Variants in STXBP6 observed in about 807,000 individuals in gnomAD.
The protein encoded by STXBP6 is syntaxin-binding protein 6.
Under a neutral mutation model 26.9 loss-of-function variants are expected in STXBP6, and 21 were observed. That is an observed-to-expected ratio of 0.78 (90% CI 0.55 to 1.12). The LOEUF (loss-of-function observed/expected upper bound fraction) is 1.12. Among genes scored for constraint, STXBP6 ranks in the 50% most tolerant of loss-of-function variants. The pLI is 0.00. For missense variants in STXBP6, 232 were observed against 257.9 expected (o/e 0.90, Z 0.69); for synonymous variants, 97 against 92.6 (o/e 1.05, Z -0.27).
intron 2 of STXBP6, among the ~76,000 whole-genome samples, chr14:24,884,118 A>T (rs200331809): frequency 6.6e-6 from 1 of 152,164 alleles, no homozygotes; most frequent in East Asian, 1.9e-4. Flanking sequence ...TATTCAGAAG[A>T]CAAAGAAAAA....
chr14:24,821,415 T>A (rs1187031015), intron 4 of STXBP6, among the ~76,000 whole-genome samples: 2 of 152,202 alleles, frequency 1.3e-5, no homozygotes, highest in African/African-American at 4.8e-5. Context: ...GCACGTGATG[T>A]CAGGTAACAT....
intron 1 of STXBP6, among the ~76,000 whole-genome samples, chr14:25,017,973 T>C (rs2075186403): frequency 6.6e-6 from 1 of 152,176 alleles, no homozygotes; most frequent in Non-Finnish European, 1.5e-5. Flanking sequence ...CAAATGCTCT[T>C]GGTCGTGGAT....
chr14:24,998,428 T>C (rs2074664331), intron 1 of STXBP6, among the ~76,000 whole-genome samples: 1 of 152,182 alleles, frequency 6.6e-6, no homozygotes, highest in South Asian at 2.1e-4. Flanking sequence ...AGCTAAAGAT[T>C]ACAGAAATAT....
intron 2 of STXBP6, among the ~76,000 whole-genome samples, chr14:24,951,778 A>C (rs1030358694): frequency 1.8e-4 from 28 of 152,236 alleles, no homozygotes; most frequent in Non-Finnish European, 3.8e-4. Context: ...CTGTTCAAAC[A>C]GACAGTAAGT....
Position 24,809,717 on chromosome 14 carries a change from G to A in STXBP6, c.*2992C>T, listed in dbSNP as rs1409660597. The A allele has an allele frequency of 1.3e-5, 2 of 152,166 alleles. No homozygotes were observed. The highest frequency in any genetic ancestry group is 1.5e-5 in the Non-Finnish European group (1 of 68,026). 9.4% of individuals were successfully genotyped at this position (152,166 alleles called of 1,614,324 possible). ...GGTTTGTTGTAATAGTGAATCAATA[G>A]AGCAGGTGTTACTTATCTCTGAATT... is the stretch of plus-strand genomic sequence containing the variant. On this transcript the variant is annotated 3_prime_UTR_variant, in exon 6 of 6. Coordinates refer to ENST00000323944, the MANE Select transcript of STXBP6 (RefSeq NM_001394410.1).
intron 1 of STXBP6, among the ~76,000 whole-genome samples, chr14:25,043,759 A>G (rs921657375): frequency 1.3e-5 from 2 of 152,230 alleles, no homozygotes; most frequent in Non-Finnish European, 2.9e-5. Flanking sequence ...TCAATGTTGT[A>G]GCATGAATCA....
At chr14:25,040,047 G>A (rs960695012) in intron 1 of STXBP6, among the ~76,000 whole-genome samples, 2 of 152,036 alleles carry the variant, frequency 1.3e-5, no homozygotes, top group African/African-American at 2.4e-5. Flanking sequence ...GTGACCACAC[G>A]TACATAAAGG....
chr14:24,887,934 C>T (rs189589895), intron 2 of STXBP6, among the ~76,000 whole-genome samples: 19 of 152,292 alleles, frequency 1.2e-4, no homozygotes, highest in Admixed American at 7.2e-4. Flanking sequence ...TTTATTTTTG[C>T]TATTCTCCAC....
chr14:24,995,143 G>A (rs1404864773), intron 1 of STXBP6, among the ~76,000 whole-genome samples: 1 of 152,116 alleles, frequency 6.6e-6, no homozygotes, highest in Non-Finnish European at 1.5e-5. Flanking sequence ...TTTGCTGTCT[G>A]ACAAAGACCC....
At chr14:24,980,205 CT>C (rs2140233433) in intron 1 of STXBP6, among the ~76,000 whole-genome samples, 1 of 152,212 alleles carries the variant, frequency 6.6e-6, no homozygotes, top group East Asian at 1.9e-4. Context: ...AATATACAAG[CT>C]TTTATGCAAA....
At chr14:24,861,528 G>A (rs854336) in intron 2 of STXBP6, among the ~76,000 whole-genome samples, 142,100 of 152,248 alleles carry the variant, frequency 0.93, 66,615 homozygotes, top group East Asian at 1. Flanking sequence ...CAAAGCTCTA[G>A]TGTATGATAA....
intron 1 of STXBP6, among the ~76,000 whole-genome samples, chr14:25,020,259 T>C (rs1292926348): frequency 6.6e-6 from 1 of 152,198 alleles, no homozygotes; most frequent in Non-Finnish European, 1.5e-5. Flanking sequence ...ACTCAAGATG[T>C]TTAAATGACT....
intron 2 of STXBP6, among the ~76,000 whole-genome samples, chr14:24,878,232 A>G (rs1346973116): frequency 6.6e-6 from 1 of 152,082 alleles, no homozygotes; most frequent in Admixed American, 6.5e-5. Flanking sequence ...TTTTTAAAAA[A>G]TAGTCATTCA....
At chr14:24,826,460 A>G (rs1409069824) in intron 4 of STXBP6, among the ~76,000 whole-genome samples, 1 of 152,090 alleles carries the variant, frequency 6.6e-6, no homozygotes, top group East Asian at 1.9e-4. Context: ...TACTTAGCTC[A>G]TCTTTCTTTC....
intron 2 of STXBP6, among the ~76,000 whole-genome samples, chr14:24,871,353 T>C (rs1595008212): frequency 1.3e-5 from 2 of 152,082 alleles, no homozygotes; most frequent in Admixed American, 6.6e-5. Context: ...GGGTGATAGG[T>C]TGTTGGAAGT....
chr14:24,945,852 T>C (rs1404572403), intron 2 of STXBP6, among the ~76,000 whole-genome samples: 1 of 152,166 alleles, frequency 6.6e-6, no homozygotes, highest in Non-Finnish European at 1.5e-5. Context: ...TATAAGCTAA[T>C]AAACTTTCTC....
chr14:24,920,425 T>C (rs544430659), intron 2 of STXBP6, among the ~76,000 whole-genome samples: 8 of 152,228 alleles, frequency 5.3e-5, no homozygotes, highest in Non-Finnish European at 7.4e-5. Flanking sequence ...AATATTTCTC[T>C]TTCTCATTTT....
At chr14:25,043,424 C>T (rs1010462795) in intron 1 of STXBP6, among the ~76,000 whole-genome samples, 2 of 152,068 alleles carry the variant, frequency 1.3e-5, no homozygotes, top group Non-Finnish European at 2.9e-5. Context: ...CCTTTGGATC[C>T]AACTACCTTC....
At chr14:24,898,337 C>T (rs1282559516) in intron 2 of STXBP6, among the ~76,000 whole-genome samples, 3 of 152,154 alleles carry the variant, frequency 2.0e-5, no homozygotes, top group East Asian at 1.9e-4. Context: ...TATTACTGAA[C>T]CTTACTGAAC....
Sources: allele counts gnomAD v4.1 joint callset (sites outside exome capture counted in the v4.1 genomes callset), GRCh38; gene constraint gnomAD v4.1.1; transcripts MANE v1.5; gene names NCBI Gene and HGNC (gene_info 2026-07-23, HGNC 2026-07-21).